The following TMEM161B variants were observed in gnomAD, a reference collection of about 807,000 sequenced individuals.
The protein encoded by TMEM161B is transmembrane protein 161B.
In TMEM161B, 34 loss-of-function variants were observed where a neutral mutation model predicts 61.8. That is an observed-to-expected ratio of 0.55 (90% CI 0.42 to 0.73). The LOEUF (loss-of-function observed/expected upper bound fraction) is 0.73, where lower values mean the gene tolerates loss of function less well. TMEM161B is among the 30% of genes least tolerant of loss of function. TMEM161B has a pLI of 0.00. For synonymous variants in TMEM161B, 167 were observed against 192.8 expected, an observed-to-expected ratio of 0.87 and a Z score of 1.11; for missense variants, 456 against 558.5, an observed-to-expected ratio of 0.82 and a Z score of 1.85.
rs781427814 is a variant in TMEM161B, at chr5:88,196,236, T to C, written c.1439A>G (p.Tyr480Cys). ...TCATGCCACAGTCAGATACTGGTGATAGAAAAGCCCAAAAAGGCTTGTAGA... is the reference window on the plus strand; with the variant it reads ...TCATGCCACAGTCAGATACTGGTGACAGAAAAGCCCAAAAAGGCTTGTAGA... ...LFSTSLFGLF[Y>C]HQYLTVA Residue 480 changes from tyrosine to cysteine, a missense_variant, in exon 12 of 12, where the codon TAT (tyrosine) becomes TGT (cysteine). By Grantham distance (194) the Tyr-to-Cys change is radical. This residue lies in a region of TMEM161B where 367 missense variants were observed against 427.3 expected (regional missense o/e 0.86). Transcript: ENST00000296595. 5 of 1,612,100 alleles carry C rather than the reference T, an allele frequency of 3.1e-6. No individual in the cohort carries two copies. The highest frequency in any genetic ancestry group is 1.3e-5 in the African/African-American group (1 of 74,814).
intron 4 of TMEM161B, among the ~76,000 whole-genome samples, chr5:88,225,004 G>A (rs112657687): frequency 0.016 from 1,901 of 117,664 alleles, 21 homozygotes; most frequent in Middle Eastern, 0.069. Flanking sequence ...GTCTCGCTCT[G>A]TCGCCCAGGC....
Position 88,206,513 on chromosome 5 carries a change from A to G in TMEM161B, c.599-14T>C, listed in dbSNP as rs1376938911. The G allele has an allele frequency of 6.4e-7, 1 of 1,559,234 alleles. No individual in the cohort carries two copies. Among genetic ancestry groups the G allele is most frequent in the African/African-American group, 1.4e-5 (1 of 72,324 alleles). On this transcript the variant is annotated splice_polypyrimidine_tract_variant and intron_variant, in intron 6 of 11. Coordinates refer to ENST00000296595, the MANE Select transcript of TMEM161B (RefSeq NM_153354.5). Reference sequence around the variant, plus strand: ...AATTTGTAAACCCTGTGGGGGAAAAAAAAAAAAACAACAGATTACTCTTAT... The same window carrying G: ...AATTTGTAAACCCTGTGGGGGAAAAGAAAAAAAACAACAGATTACTCTTAT...
chr5:88,236,889 T>A (rs1254916605), intron 2 of TMEM161B, among the ~76,000 whole-genome samples: 3 of 152,066 alleles, frequency 2.0e-5, no homozygotes, highest in Admixed American at 6.6e-5. Flanking sequence ...ATAATTTAAA[T>A]AAATTACTCC....
intron 1 of TMEM161B, among the ~76,000 whole-genome samples, chr5:88,254,306 T>C (rs779996249): frequency 2.1e-4 from 32 of 152,168 alleles, no homozygotes; most frequent in Non-Finnish European, 3.2e-4. Flanking sequence ...TTCCAGTAGA[T>C]AGAGTTATTT....
chr5:88,194,676 G>A (rs1749339652), downstream of TMEM161B, among the ~76,000 whole-genome samples: 1 of 151,962 alleles, frequency 6.6e-6, no homozygotes. Flanking sequence ...TACACCCAAA[G>A]ACAGGAATTT....
intron 1 of TMEM161B, among the ~76,000 whole-genome samples, chr5:88,248,212 A>G (rs1282980812): frequency 6.6e-6 from 1 of 152,010 alleles, no homozygotes; most frequent in Non-Finnish European, 1.5e-5. Flanking sequence ...CTGCAAGGAC[A>G]TTTTTCCAAG....
chr5:88,250,606 G>C (rs752940103), intron 1 of TMEM161B: 1 of 152,170 alleles, frequency 6.6e-6, no homozygotes, highest in Non-Finnish European at 1.5e-5. Context: ...GCGCCAACCA[G>C]AACAGGAGAA....
chr5:88,187,518 AG>A (rs1243703982), downstream of TMEM161B, among the ~76,000 whole-genome samples: 8 of 152,202 alleles, frequency 5.3e-5, no homozygotes, highest in Non-Finnish European at 8.8e-5. Flanking sequence ...TGTAGAGTTC[AG>A]TGTACAGGTC....
intron 1 of TMEM161B, among the ~76,000 whole-genome samples, chr5:88,266,058 A>G (rs1473723757): frequency 6.6e-6 from 1 of 152,250 alleles, no homozygotes; most frequent in African/African-American, 2.4e-5. Flanking sequence ...ACTTGTCTTC[A>G]CAACAACTTG....
chr5:88,186,417 G>C (rs1748359836), downstream of TMEM161B, among the ~76,000 whole-genome samples: 1 of 152,152 alleles, frequency 6.6e-6, no homozygotes, highest in African/African-American at 2.4e-5. Context: ...CGAATTGCTA[G>C]AGGTTGAACA....
At chr5:88,186,248 T>TA (rs1385213068), downstream of TMEM161B, among the ~76,000 whole-genome samples, 1 of 152,230 alleles carries the variant, frequency 6.6e-6, no homozygotes, top group East Asian at 1.9e-4. Flanking sequence ...AAGAAAATTG[T>TA]AAAGTCCAAC....
At chr5:88,186,394 G>C (rs1748358591), downstream of TMEM161B, among the ~76,000 whole-genome samples, 1 of 152,038 alleles carries the variant, frequency 6.6e-6, no homozygotes, top group Non-Finnish European at 1.5e-5. Context: ...ACAATACCAA[G>C]GATCATCATA....
chr5:88,223,067 A>G (rs1308176735), intron 4 of TMEM161B, among the ~76,000 whole-genome samples: 1 of 151,478 alleles, frequency 6.6e-6, no homozygotes, highest in African/African-American at 2.4e-5. Context: ...CTAGTTCTCA[A>G]AATCCTAAAA....
At chr5:88,187,707 C>T (rs1361653841), downstream of TMEM161B, among the ~76,000 whole-genome samples, 1 of 151,996 alleles carries the variant, frequency 6.6e-6, no homozygotes, top group African/African-American at 2.4e-5. Context: ...TTTTATTTCT[C>T]CTTGAACCAA....
chr5:88,232,186 C>T (rs1222337911), intron 2 of TMEM161B, among the ~76,000 whole-genome samples: 1 of 152,070 alleles, frequency 6.6e-6, no homozygotes, highest in East Asian at 1.9e-4. Context: ...GATTTGTTTA[C>T]AGTATGACAG....
chr5:88,185,687 T>C (rs1309876142), downstream of TMEM161B, among the ~76,000 whole-genome samples: 1 of 152,176 alleles, frequency 6.6e-6, no homozygotes, highest in Non-Finnish European at 1.5e-5. Flanking sequence ...TGTCTGAGAT[T>C]GAAAATTTCA....
At chr5:88,241,364 A>G (rs1040453529) in intron 1 of TMEM161B, among the ~76,000 whole-genome samples, 1 of 151,852 alleles carries the variant, frequency 6.6e-6, no homozygotes, top group African/African-American at 2.4e-5. Flanking sequence ...AATTCTGGCA[A>G]TTAGGTATTC....
At chr5:88,239,188 CTAGT>C (rs1206495467) in intron 2 of TMEM161B, among the ~76,000 whole-genome samples, 1 of 151,876 alleles carries the variant, frequency 6.6e-6, no homozygotes, top group Non-Finnish European at 1.5e-5. Context: ...TTAGTTTTCA[CTAGT>C]GAGTATAAAT....
chr5:88,192,024 A>ATATG (rs371093617), downstream of TMEM161B, among the ~76,000 whole-genome samples: 740 of 51,320 alleles, frequency 0.014, 27 homozygotes, highest in Non-Finnish European at 0.018. Context: ...ATATATATAT[A>ATATG]TATGTATATA....
Sources: gnomAD v4.1 joint callset for allele counts (sites outside exome capture counted in the v4.1 genomes callset) on GRCh38, gnomAD v4.1.1 for gene constraint, gnomAD v4.1.1 regional missense constraint, MANE v1.5 for transcripts, NCBI Gene and HGNC (gene_info 2026-07-23, HGNC 2026-07-21) for gene names.